Variants in STARD13 observed in about 807,000 individuals in gnomAD.
The protein encoded by STARD13 is stAR-related lipid transfer protein 13.
Under a neutral mutation model 106.4 loss-of-function variants are expected in STARD13, and 62 were observed. The observed-to-expected ratio is 0.58, with a 90% CI of 0.48 to 0.72. The LOEUF is 0.72. Among genes scored for constraint, STARD13 ranks in the 30% least tolerant of loss-of-function variants. STARD13 has a pLI of 0.00. For missense variants in STARD13, 1,387 were observed against 1,424.0 expected, an observed-to-expected ratio of 0.97 and a Z score of 0.42; for synonymous variants, 565 against 553.0, an observed-to-expected ratio of 1.02 and a Z score of -0.31.
chr13:33,133,828 G>A (rs1162873997), intron 4 of STARD13, among the ~76,000 whole-genome samples: 4 of 152,110 alleles, frequency 2.6e-5, no homozygotes, highest in Non-Finnish European at 5.9e-5. Context: ...TTGCAGTAGA[G>A]TTTAAGGTTT....
At chr13:33,668,729 A>G in the STARD13 span, among the ~76,000 whole-genome samples, 2 of 152,156 alleles carry the variant, frequency 1.3e-5, no homozygotes, top group Non-Finnish European at 2.9e-5. Flanking sequence ...GTTAAAGCTG[A>G]CTGGGTCCTA....
chr13:33,464,037 A>ATATATG, the STARD13 span, among the ~76,000 whole-genome samples: 4,119 of 141,018 alleles, frequency 0.029, 143 homozygotes, highest in Non-Finnish European at 0.035. Flanking sequence ...ATATATATAT[A>ATATATG]TATATGTATA....
At chr13:33,507,963 G>A in the STARD13 span, among the ~76,000 whole-genome samples, 1 of 152,112 alleles carries the variant, frequency 6.6e-6, no homozygotes, top group East Asian at 1.9e-4. Context: ...CAGAGGTGGA[G>A]GAAAATCCAC....
chr13:33,240,228 G>C (rs1003385310), intron 1 of STARD13, among the ~76,000 whole-genome samples: 5 of 152,048 alleles, frequency 3.3e-5, no homozygotes, highest in Non-Finnish European at 5.9e-5. Flanking sequence ...TCTCTATTCT[G>C]TTCCATTGTT....
the STARD13 span, among the ~76,000 whole-genome samples, chr13:33,563,812 G>T: frequency 6.8e-6 from 1 of 147,454 alleles, no homozygotes; most frequent in Non-Finnish European, 1.5e-5. Context: ...GAAAATATTT[G>T]TAAACTATCC....
At chr13:33,495,881 C>A in the STARD13 span, among the ~76,000 whole-genome samples, 3 of 142,392 alleles carry the variant, frequency 2.1e-5, no homozygotes, top group African/African-American at 7.7e-5. Flanking sequence ...ATAATGATTA[C>A]ATATAATTAT....
intron 4 of STARD13, among the ~76,000 whole-genome samples, chr13:33,134,682 T>C (rs1197498905): frequency 6.6e-6 from 1 of 152,218 alleles, no homozygotes; most frequent in Non-Finnish European, 1.5e-5. Context: ...AAATACCATA[T>C]AAACCCTAAA....
intron 1 of STARD13, among the ~76,000 whole-genome samples, chr13:33,197,058 G>C (rs1166372567): frequency 1.3e-5 from 2 of 152,166 alleles, no homozygotes; most frequent in Admixed American, 1.3e-4. Context: ...TTCAACAAAG[G>C]CTGGGGCCAC....
chr13:33,644,249 TG>T, the STARD13 span, among the ~76,000 whole-genome samples: 1 of 152,220 alleles, frequency 6.6e-6, no homozygotes, highest in Non-Finnish European at 1.5e-5. Flanking sequence ...GTGTGTGACT[TG>T]GGACAACACT....
At chr13:33,381,124 C>T in the STARD13 span, among the ~76,000 whole-genome samples, 1 of 152,186 alleles carries the variant, frequency 6.6e-6, no homozygotes, top group South Asian at 2.1e-4. Flanking sequence ...CAAATGTCCT[C>T]TGAGAAAATA....
Position 33,111,899 on chromosome 13 carries a change from T to C in STARD13, c.2493-7A>G, listed in dbSNP as rs368636496. Reference sequence around the variant, plus strand: ...ATATTTCTTCTGTATGACTCTGTAATTGAACGTGAGTGTGCTAAGCAGATC... The same window carrying C: ...ATATTTCTTCTGTATGACTCTGTAACTGAACGTGAGTGTGCTAAGCAGATC... On this transcript the variant is annotated splice_region_variant and splice_polypyrimidine_tract_variant and intron_variant, in intron 9 of 13. Coordinates refer to ENST00000336934, the MANE Select transcript of STARD13 (RefSeq NM_178006.4). The C allele has an allele frequency of 1.3e-5, 20 of 1,582,668 alleles. No individual in the cohort carries two copies. Among genetic ancestry groups the C allele is most frequent in the Non-Finnish European group, 1.6e-5 (18 of 1,151,326 alleles).
chr13:33,266,017 C>T lies in STARD13; in HGVS notation c.169+19453G>A, dbSNP rs929894392. 2.0e-5 allele frequency among the ~76,000 whole-genome samples: 3 copies of T among 152,266 alleles called. No individual in the cohort carries two copies. In the South Asian group the frequency reaches 6.2e-4, roughly 32 times the overall value. Reference sequence around the variant, plus strand: ...TCTTGTATTTATAATTTCTTTATCACCATAGTTAAGATCCTCATCCCTCAT... The same window carrying T: ...TCTTGTATTTATAATTTCTTTATCATCATAGTTAAGATCCTCATCCCTCAT... On this transcript the variant is annotated intron_variant, in intron 1 of 13. Coordinates refer to ENST00000336934, the MANE Select transcript of STARD13 (RefSeq NM_178006.4).
the STARD13 span, among the ~76,000 whole-genome samples, chr13:33,643,015 G>C: frequency 2.0e-5 from 3 of 152,080 alleles, no homozygotes; most frequent in African/African-American, 7.2e-5. Flanking sequence ...GCAAGAGATG[G>C]ATCACTGCTT....
chr13:33,479,350 C>T, the STARD13 span, among the ~76,000 whole-genome samples: 2 of 152,268 alleles, frequency 1.3e-5, no homozygotes, highest in African/African-American at 4.8e-5. Context: ...GTGTATTAAT[C>T]CCTAGATCCA....
the STARD13 span, among the ~76,000 whole-genome samples, chr13:33,577,644 T>C: frequency 1.3e-5 from 2 of 152,142 alleles, no homozygotes; most frequent in African/African-American, 4.8e-5. Context: ...TTTTAACAAA[T>C]GATGCTGGAC....
the STARD13 span, among the ~76,000 whole-genome samples, chr13:33,564,012 T>G: frequency 6.9e-6 from 1 of 145,736 alleles, no homozygotes; most frequent in Non-Finnish European, 1.5e-5. Context: ...GCCAACATGG[T>G]GAAACCCCGT....
At chr13:33,368,351 C>A in the STARD13 span, among the ~76,000 whole-genome samples, 1 of 152,186 alleles carries the variant, frequency 6.6e-6, no homozygotes, top group African/African-American at 2.4e-5. Context: ...ACTCACTCAA[C>A]AAATATTTGT....
downstream of STARD13, among the ~76,000 whole-genome samples, chr13:33,344,330 C>T (rs370464809): frequency 6.6e-5 from 10 of 152,140 alleles, no homozygotes; most frequent in South Asian, 1.5e-3. Flanking sequence ...TAAATAGCAT[C>T]TAAACGTAGT....
At chr13:33,270,281 A>G (rs774221039) in intron 1 of STARD13, among the ~76,000 whole-genome samples, 25 of 152,166 alleles carry the variant, frequency 1.6e-4, no homozygotes, top group Non-Finnish European at 3.2e-4. Context: ...GTGGCACATT[A>G]TTCCCATATC....
Sources: gnomAD v4.1 joint callset for allele counts (sites outside exome capture counted in the v4.1 genomes callset) on GRCh38, gnomAD v4.1.1 for gene constraint, MANE v1.5 for transcripts, NCBI Gene and HGNC (gene_info 2026-07-23, HGNC 2026-07-21) for gene names.